KCNJ6: variants seen among roughly 807,000 people sequenced by gnomAD.
KCNJ6 encodes the protein G protein-activated inward rectifier potassium channel 2.
A neutral mutation model predicts 34.2 loss-of-function variants in KCNJ6; 9 were observed. That is an observed-to-expected ratio of 0.26 (90% CI 0.16 to 0.46). The LOEUF (loss-of-function observed/expected upper bound fraction) is 0.46, where lower values mean the gene tolerates loss of function less well. Among genes scored for constraint, KCNJ6 ranks in the 20% least tolerant of loss-of-function variants. The pLI, the probability that KCNJ6 is intolerant of heterozygous loss-of-function variation, is 1.00. For synonymous variants in KCNJ6, 196 were observed against 207.1 expected, an observed-to-expected ratio of 0.95 and a Z score of 0.46; for missense variants, 236 against 531.3, an observed-to-expected ratio of 0.44 and a Z score of 5.46.
intron 2 of KCNJ6, among the ~76,000 whole-genome samples, chr21:37,762,244 G>A (rs1014602278): frequency 6.6e-6 from 1 of 152,154 alleles, no homozygotes; most frequent in Non-Finnish European, 1.5e-5. Context: ...GGGTGTCCCC[G>A]CACTTAGCAT....
chr21:37,714,679 T>C lies in KCNJ6; in HGVS notation c.478A>G (p.Ile160Val). The C allele has an allele frequency of 6.2e-7, 1 of 1,614,114 alleles. No homozygotes were observed. The highest frequency in any genetic ancestry group is 1.3e-5 in the African/African-American group (1 of 75,052). Residue 160 changes from isoleucine (I) to valine (V), a missense_variant, in exon 3 of 4, where the codon ATC (isoleucine) becomes GTC (valine). This residue lies in a region of KCNJ6 where 68 missense variants were observed against 165.7 expected (regional missense o/e 0.41). Transcript: ENST00000609713. This position sits in a 1 kb window ranked among gnomAD's most constrained non-coding sequence, Gnocchi z 5.9. ...ETTIGYGYRVITDKCPEGIIL... is the reference protein window; with the variant it reads ...ETTIGYGYRVVTDKCPEGIIL... ...ATTCCCTCTGGGCATTTATCTGTGA[T>C]GACCCGGTAGCCATAACCAATGGTG...
intron 2 of KCNJ6, among the ~76,000 whole-genome samples, chr21:37,773,483 T>G (rs975697084): frequency 3.3e-5 from 5 of 152,180 alleles, no homozygotes; most frequent in African/African-American, 1.2e-4. Context: ...AGTCGCTAAC[T>G]ACGGATCTCC....
intron 2 of KCNJ6, among the ~76,000 whole-genome samples, chr21:37,761,133 G>A (rs952254597): frequency 6.6e-6 from 1 of 151,658 alleles, no homozygotes; most frequent in Non-Finnish European, 1.5e-5. Context: ...TGTATGTGGT[G>A]TACGTGTGGT....
chr21:37,714,130 T>C lies in KCNJ6; in HGVS notation c.946+81A>G. Reference sequence around the variant, plus strand: ...ATTGAGTGAGGTTCAGTATTCTAGATCTTGTAATAGATAAGAACATCAGGT... The same window carrying C: ...ATTGAGTGAGGTTCAGTATTCTAGACCTTGTAATAGATAAGAACATCAGGT... On this transcript the variant is annotated intron_variant, in intron 3 of 3. Transcript: ENST00000609713. The surrounding 1 kb of genome is among the most constrained non-coding windows in gnomAD (Gnocchi z 5.9). 1.0e-6 allele frequency: 1 copy of C among 992,252 alleles called. No homozygotes were observed. The highest frequency in any genetic ancestry group is 1.5e-6 in the Non-Finnish European group (1 of 648,328). 61.5% of individuals were successfully genotyped at this position (992,252 alleles called of 1,614,324 possible).
chr21:37,745,071 GGTTTTTTTT>G (rs1458260206), intron 2 of KCNJ6, among the ~76,000 whole-genome samples: 1 of 118,052 alleles, frequency 8.5e-6, no homozygotes. Flanking sequence ...CAACGTTGCT[GGTTTTTTTT>G]TTTTTTTTTT....
chr21:37,647,087 G>T (rs1041661886), intron 3 of KCNJ6, among the ~76,000 whole-genome samples: 2 of 152,158 alleles, frequency 1.3e-5, no homozygotes, highest in African/African-American at 4.8e-5. Context: ...CCTATTTTGA[G>T]GAAGACAAGT....
intron 1 of KCNJ6, among the ~76,000 whole-genome samples, chr21:37,908,822 T>G (rs988702559): frequency 1.3e-5 from 2 of 152,240 alleles, no homozygotes; most frequent in Admixed American, 1.3e-4. Flanking sequence ...TCATTTCCTC[T>G]GCCTTACTCT....
chr21:37,840,469 C>G (rs2055474589), intron 2 of KCNJ6, among the ~76,000 whole-genome samples, 189 bp downstream of exon 2: 1 of 152,174 alleles, frequency 6.6e-6, no homozygotes, highest in Non-Finnish European at 1.5e-5. Context: ...AATTTGACCT[C>G]AAGCAAGATG....
chr21:37,750,280 G>A (rs1405841676), intron 2 of KCNJ6, among the ~76,000 whole-genome samples: 1 of 152,204 alleles, frequency 6.6e-6, no homozygotes, highest in African/African-American at 2.4e-5. Flanking sequence ...CACTGTTGGT[G>A]GCAGTGTAAA....
chr21:37,851,604 A>C (rs2055537512), intron 1 of KCNJ6, among the ~76,000 whole-genome samples: 1 of 152,178 alleles, frequency 6.6e-6, no homozygotes, highest in Non-Finnish European at 1.5e-5. Context: ...CTAATAATTG[A>C]TTCTCAGCAA....
chr21:37,822,671 T>C (rs145494994), intron 2 of KCNJ6, among the ~76,000 whole-genome samples: 308 of 152,346 alleles, frequency 2.0e-3, no homozygotes, highest in African/African-American at 7.1e-3. Flanking sequence ...GAACTTCTCA[T>C]AGACCTCTAA....
intron 2 of KCNJ6, among the ~76,000 whole-genome samples, chr21:37,837,781 A>G (rs968500170): frequency 6.7e-6 from 1 of 149,932 alleles, no homozygotes; most frequent in African/African-American, 2.5e-5. Flanking sequence ...TGTGGTAATT[A>G]TATGTTAATT....
At chr21:37,829,845 C>T (rs1444903406) in intron 2 of KCNJ6, among the ~76,000 whole-genome samples, 2 of 152,164 alleles carry the variant, frequency 1.3e-5, no homozygotes, top group African/African-American at 4.8e-5. Context: ...TCCATAGCTG[C>T]CCCAGAGCCG....
intron 2 of KCNJ6, among the ~76,000 whole-genome samples, chr21:37,784,282 G>A (rs2055183036): frequency 6.6e-6 from 1 of 152,152 alleles, no homozygotes; most frequent in Admixed American, 6.5e-5. Flanking sequence ...CTACCCTGGA[G>A]CCATCTCTCC....
chr21:37,870,821 T>A (rs977153691), intron 1 of KCNJ6, among the ~76,000 whole-genome samples: 2 of 152,178 alleles, frequency 1.3e-5, no homozygotes, highest in Non-Finnish European at 2.9e-5. Flanking sequence ...TCATGGCTCA[T>A]TCTCTTCCTA....
At chr21:37,874,568 A>G (rs1320594797) in intron 1 of KCNJ6, among the ~76,000 whole-genome samples, 1 of 152,242 alleles carries the variant, frequency 6.6e-6, no homozygotes, top group African/African-American at 2.4e-5. Context: ...TTATGCATTC[A>G]AAAGTCTTTC....
At chr21:37,843,137 T>C (rs976894382) in intron 1 of KCNJ6, among the ~76,000 whole-genome samples, 1 of 152,216 alleles carries the variant, frequency 6.6e-6, no homozygotes, top group African/African-American at 2.4e-5. Context: ...TTAGTGTGTC[T>C]GTTTTCTTGA....
rs117429975 is a variant in KCNJ6, at chr21:37,798,190, C to T, written c.25+42468G>A. 6.6e-5 allele frequency among the ~76,000 whole-genome samples: 10 copies of T among 152,248 alleles called. No individual in the cohort carries two copies. In the East Asian group the frequency reaches 1.9e-3, roughly 29 times the overall value. ...AAGCCTAGAGATGGGAAGTATCTGG[C>T]CTTGGAACACGTGGTTGGTGGGTGG... is the stretch of plus-strand genomic sequence containing the variant. On this transcript the variant is annotated intron_variant, in intron 2 of 3. Transcript: ENST00000609713.
rs1301038872 is a variant in KCNJ6 at position 37,675,976 on chromosome 21, C to CCTG, written c.946+38232_946+38234dup. Among the ~76,000 whole-genome samples, 1 of 152,206 alleles carries CCTG rather than the reference C, an allele frequency of 6.6e-6. No homozygotes were observed. The highest frequency in any genetic ancestry group is 1.5e-5 in the Non-Finnish European group (1 of 68,042). On this transcript the variant is annotated intron_variant, in intron 3 of 3. Transcript: ENST00000609713. The surrounding 1 kb of genome is among the most constrained non-coding windows in gnomAD (Gnocchi z 4.2). The stretch of plus-strand genomic sequence containing the variant: ...TCATGTGAGCTCTGGACCAGCAATA[C>CCTG]CTGCACCCTTGCCAGCAGGTTGCAA...
Sources: allele counts gnomAD v4.1 joint callset (sites outside exome capture counted in the v4.1 genomes callset), GRCh38; gene constraint gnomAD v4.1.1; regional missense constraint gnomAD v4.1.1; non-coding constraint Gnocchi (gnomAD v3.1); transcripts MANE v1.5; gene names NCBI Gene and HGNC (gene_info 2026-07-23, HGNC 2026-07-21).